CAMKMT: variants seen among roughly 807,000 people sequenced by gnomAD.
CAMKMT encodes the protein CaM KMT.
A neutral mutation model predicts 48.0 loss-of-function variants in CAMKMT; 53 were observed. The ratio of observed to expected loss-of-function variants is 1.10; its 90% confidence interval spans 0.89 to 1.39. The LOEUF (loss-of-function observed/expected upper bound fraction) is 1.39. Ranked by LOEUF, CAMKMT falls within the 40% of genes most tolerant of loss-of-function variation. CAMKMT has a pLI of 0.00. For missense variants in CAMKMT, 428 were observed against 402.7 expected (o/e 1.06, Z -0.54); for synonymous variants, 165 against 152.3 (o/e 1.08, Z -0.61).
intron 3 of CAMKMT, among the ~76,000 whole-genome samples, chr2:44,588,230 C>T (rs2103802213): frequency 8.9e-6 from 1 of 112,898 alleles, no homozygotes; most frequent in East Asian, 2.3e-4. Context: ...AGTGAGGAGC[C>T]CCTCCGTCCG....
intron 3 of CAMKMT, among the ~76,000 whole-genome samples, chr2:44,561,605 G>C (rs763621350): frequency 1.3e-4 from 20 of 152,110 alleles, no homozygotes; most frequent in Non-Finnish European, 2.5e-4. Context: ...AATTCAGCTA[G>C]TTTTTTGTCA....
chr2:44,505,774 A>C (rs1670226591), intron 3 of CAMKMT, among the ~76,000 whole-genome samples: 1 of 152,156 alleles, frequency 6.6e-6, no homozygotes, highest in East Asian at 1.9e-4. Flanking sequence ...TCCAAGAGTC[A>C]ACTGTGCTTC....
intron 7 of CAMKMT, among the ~76,000 whole-genome samples, chr2:44,742,834 AG>A (rs1400931306): frequency 6.6e-5 from 10 of 152,324 alleles, no homozygotes; most frequent in Admixed American, 1.3e-4. Context: ...TTAGGTTTAA[AG>A]AATCAAAATA....
In CAMKMT at chr2:44,754,121, A is replaced by G. The variant is rs1387927361; in HGVS notation, c.762+3A>G. The G allele has an allele frequency of 1.2e-6, 2 of 1,611,564 alleles. No individual in the cohort carries two copies. The highest frequency in any genetic ancestry group is 2.7e-5 in the African/African-American group (2 of 74,892). On this transcript the variant is annotated splice_donor_region_variant and intron_variant, in intron 9 of 10. Transcript: ENST00000378494. ...TAAAGAGATTACTCCAGCCCAGGGT[A>G]AGTATGTTTCTATTTTCTCCTGAAC...
intron 3 of CAMKMT, among the ~76,000 whole-genome samples, chr2:44,590,973 G>T (rs981190828): frequency 3.3e-5 from 5 of 151,920 alleles, no homozygotes; most frequent in African/African-American, 1.2e-4. Flanking sequence ...TCTACATATG[G>T]CTAGCCAGTT....
chr2:44,569,848 T>C (rs1374944259), intron 3 of CAMKMT, among the ~76,000 whole-genome samples: 1 of 152,228 alleles, frequency 6.6e-6, no homozygotes, highest in African/African-American at 2.4e-5. Flanking sequence ...AGTCTGATGA[T>C]GTGGATTTTA....
intron 3 of CAMKMT, among the ~76,000 whole-genome samples, chr2:44,500,085 G>A (rs556209212): frequency 4.6e-5 from 7 of 152,198 alleles, no homozygotes; most frequent in African/African-American, 1.7e-4. Flanking sequence ...TAAAATACAT[G>A]AAAAGGACAA....
At chr2:44,634,669 A>T (rs1673018927) in intron 3 of CAMKMT, among the ~76,000 whole-genome samples, 1 of 152,076 alleles carries the variant, frequency 6.6e-6, no homozygotes, top group African/African-American at 2.4e-5. Flanking sequence ...GAGGACAAAC[A>T]TGTAATATAA....
In CAMKMT at chr2:44,410,231, GTATA is replaced by G. The variant is rs1301135062; in HGVS notation, c.376+19940_376+19943del. Among the ~76,000 whole-genome samples, 7 of 20,436 alleles carry G rather than the reference GTATA, an allele frequency of 3.4e-4. 1 individual carries two copies. Among genetic ancestry groups the G allele is most frequent in the Non-Finnish European group, 8.1e-4 (7 of 8,676 alleles). 13.4% of individuals were successfully genotyped at this position (20,436 alleles called of 152,430 possible). On this transcript the variant is annotated intron_variant, in intron 3 of 10. Coordinates refer to ENST00000378494, the MANE Select transcript of CAMKMT (RefSeq NM_024766.5). ...AACTTAAGTAATTAGTCAGGTATCA[GTATA>G]TATATATATATATTTTTTTTTTTTT...
At chr2:44,480,797 C>G (rs1017121393) in intron 3 of CAMKMT, among the ~76,000 whole-genome samples, 1 of 151,842 alleles carries the variant, frequency 6.6e-6, no homozygotes, top group African/African-American at 2.4e-5. Flanking sequence ...ATTTTTGAAC[C>G]ATATTTTTGG....
At chr2:44,406,638 C>G (rs976360603) in intron 3 of CAMKMT, among the ~76,000 whole-genome samples, 1 of 152,082 alleles carries the variant, frequency 6.6e-6, no homozygotes, top group Non-Finnish European at 1.5e-5. Flanking sequence ...ACTCTGTTGC[C>G]CAGGCTGGAA....
chr2:44,576,344 A>G (rs889206208), intron 3 of CAMKMT, among the ~76,000 whole-genome samples: 4 of 151,634 alleles, frequency 2.6e-5, no homozygotes, highest in South Asian at 2.1e-4. Flanking sequence ...AAAAAAAAAA[A>G]AAGAAAAGAA....
chr2:44,624,902 C>T (rs1172680390), intron 3 of CAMKMT, among the ~76,000 whole-genome samples: 1 of 152,220 alleles, frequency 6.6e-6, no homozygotes, highest in Non-Finnish European at 1.5e-5. Flanking sequence ...AATCACCACA[C>T]TGACTTCCAC....
chr2:44,760,968 G>T (rs147329661), intron 9 of CAMKMT, among the ~76,000 whole-genome samples: 20 of 152,284 alleles, frequency 1.3e-4, no homozygotes, highest in Admixed American at 5.9e-4. Context: ...ACTGTGCCAG[G>T]CCCCGGGGAT....
chr2:44,572,208 T>C (rs74575571), intron 3 of CAMKMT, among the ~76,000 whole-genome samples: 3,512 of 152,232 alleles, frequency 0.023, 150 homozygotes, highest in African/African-American at 0.081. Flanking sequence ...AATTTCTTTT[T>C]TAAAAAATTT....
At chr2:44,708,411 T>G (rs1457865491) in intron 6 of CAMKMT, among the ~76,000 whole-genome samples, 5 of 151,814 alleles carry the variant, frequency 3.3e-5, no homozygotes, top group Non-Finnish European at 5.9e-5. Context: ...TTCATCAAGC[T>G]GCTCAAACAG....
chr2:44,756,061 A>G (rs1041833412), intron 9 of CAMKMT, among the ~76,000 whole-genome samples: 2 of 152,196 alleles, frequency 1.3e-5, no homozygotes, highest in Admixed American at 1.3e-4. Flanking sequence ...TGGCACATGG[A>G]CTTACTGAAA....
chr2:44,422,008 C>T (rs1683965405), intron 3 of CAMKMT, among the ~76,000 whole-genome samples: 1 of 152,170 alleles, frequency 6.6e-6, no homozygotes, highest in South Asian at 2.1e-4. Flanking sequence ...CTACACAGAT[C>T]AACCTGCATG....
intron 1 of CAMKMT, among the ~76,000 whole-genome samples, chr2:44,368,132 A>G (rs1433514707): frequency 6.6e-6 from 1 of 152,196 alleles, no homozygotes; most frequent in African/African-American, 2.4e-5. Flanking sequence ...TTTGGTATAT[A>G]GCATTGATAT....
Sources: gnomAD v4.1 joint callset for allele counts (sites outside exome capture counted in the v4.1 genomes callset) on GRCh38, gnomAD v4.1.1 for gene constraint, MANE v1.5 for transcripts, NCBI Gene and HGNC (gene_info 2026-07-23, HGNC 2026-07-21) for gene names.